Variants in ANKS1B observed in about 807,000 individuals in gnomAD.
ANKS1B encodes ankyrin repeat and sterile alpha motif domain containing 1B.
A neutral mutation model predicts 148.3 loss-of-function variants in ANKS1B; 36 were observed. That is an observed-to-expected ratio of 0.24 (90% CI 0.19 to 0.32). The LOEUF (loss-of-function observed/expected upper bound fraction) is 0.32, where lower values mean the gene tolerates loss of function less well. ANKS1B is among the 10% of genes least tolerant of loss of function. The pLI is 1.00. For missense variants in ANKS1B, 1,157 were observed against 1,542.6 expected (o/e 0.75, Z 4.19); for synonymous variants, 542 against 560.8 (o/e 0.97, Z 0.47).
chr12:99,261,871 A>C (rs1002339665), intron 12 of ANKS1B, among the ~76,000 whole-genome samples: 1 of 152,092 alleles, frequency 6.6e-6, no homozygotes, highest in Non-Finnish European at 1.5e-5. Context: ...GGATCCTTAC[A>C]ATAACCTGTG....
chr12:98,993,873 AT>A (rs1449473192), intron 17 of ANKS1B, among the ~76,000 whole-genome samples: 1 of 152,220 alleles, frequency 6.6e-6, no homozygotes, highest in Non-Finnish European at 1.5e-5. Flanking sequence ...ACAAAATGAT[AT>A]TTAATCTTCC....
chr12:99,882,779 C>T (rs2153739581), intron 1 of ANKS1B, among the ~76,000 whole-genome samples: 1 of 152,138 alleles, frequency 6.6e-6, no homozygotes, highest in East Asian at 1.9e-4. Context: ...CCACCTGTTC[C>T]CCCAAAACTA....
intron 1 of ANKS1B, among the ~76,000 whole-genome samples, chr12:99,951,394 T>C (rs1381199891): frequency 1.3e-5 from 2 of 152,202 alleles, no homozygotes; most frequent in African/African-American, 4.8e-5. Flanking sequence ...GTAGCTATAA[T>C]AAGGCTTCAT....
At chr12:98,835,567 C>T (rs1381507109) in intron 17 of ANKS1B, among the ~76,000 whole-genome samples, 3 of 152,180 alleles carry the variant, frequency 2.0e-5, no homozygotes, top group Non-Finnish European at 4.4e-5. Flanking sequence ...TGATTTCTAG[C>T]TATTAGTCTG....
At chr12:99,546,883 G>A (rs2097177008) in intron 9 of ANKS1B, among the ~76,000 whole-genome samples, 1 of 152,094 alleles carries the variant, frequency 6.6e-6, no homozygotes, top group African/African-American at 2.4e-5. Context: ...AGTGTAGCAG[G>A]TTGGGATAAA....
At chr12:99,104,576 G>A (rs938672738) in intron 15 of ANKS1B, 3 of 152,184 alleles carry the variant, frequency 2.0e-5, no homozygotes, top group African/African-American at 7.2e-5. Flanking sequence ...GCAAGACAAT[G>A]TGAATAGGCA....
intron 15 of ANKS1B, among the ~76,000 whole-genome samples, chr12:99,094,593 C>G (rs1380606825): frequency 1.3e-5 from 2 of 151,564 alleles, no homozygotes; most frequent in African/African-American, 4.9e-5. Context: ...TTAGAAGGAG[C>G]AGCCTAACTG....
intron 12 of ANKS1B, among the ~76,000 whole-genome samples, chr12:99,300,582 T>A (rs1485476332): frequency 6.6e-6 from 1 of 152,176 alleles, no homozygotes; most frequent in Non-Finnish European, 1.5e-5. Context: ...TATTTACAAA[T>A]CACTTTCCTA....
chr12:98,845,118 G>T (rs530363560), intron 17 of ANKS1B, among the ~76,000 whole-genome samples: 1 of 152,218 alleles, frequency 6.6e-6, no homozygotes, highest in South Asian at 2.1e-4. Context: ...GGGTCTAATG[G>T]GGAGGGAATG....
intron 9 of ANKS1B, among the ~76,000 whole-genome samples, chr12:99,518,487 A>G (rs549858804): frequency 9.9e-5 from 15 of 151,976 alleles, no homozygotes; most frequent in Non-Finnish European, 2.2e-4. Flanking sequence ...GGGTTTTCCA[A>G]TTTATCGGCC....
chr12:99,868,129 T>A (rs550737604), intron 1 of ANKS1B, among the ~76,000 whole-genome samples: 2 of 152,082 alleles, frequency 1.3e-5, no homozygotes, highest in Admixed American at 6.6e-5. Context: ...AAACTGGCAA[T>A]AAAATGAAAC....
intron 17 of ANKS1B, among the ~76,000 whole-genome samples, chr12:98,871,610 A>G (rs369912274): frequency 6.6e-6 from 1 of 152,238 alleles, no homozygotes; most frequent in Non-Finnish European, 1.5e-5. Flanking sequence ...AAATAAAAAG[A>G]CATTTCAAAG....
intron 12 of ANKS1B, among the ~76,000 whole-genome samples, chr12:99,392,660 C>A (rs75954626): frequency 2.1e-3 from 315 of 152,284 alleles, no homozygotes; most frequent in African/African-American, 7.1e-3. Flanking sequence ...ATAGAGAACA[C>A]CTGTTATCAC....
chr12:98,818,449 G>A (rs1227136760), intron 19 of ANKS1B, among the ~76,000 whole-genome samples: 5 of 152,142 alleles, frequency 3.3e-5, no homozygotes, highest in Admixed American at 1.3e-4. Flanking sequence ...GGAAAAAAAT[G>A]AGCATTGCCT....
intron 14 of ANKS1B, among the ~76,000 whole-genome samples, chr12:99,210,973 ATAACACTAATCACGGTTTTTGCCAT>A (rs1198249027): frequency 6.6e-6 from 1 of 152,226 alleles, no homozygotes; most frequent in Non-Finnish European, 1.5e-5. Flanking sequence ...CAGTCGGTGT[ATAACACTAATCACGGTTTTTGCCAT>A]TAAAAGCAAT....
intron 17 of ANKS1B, among the ~76,000 whole-genome samples, chr12:98,841,760 A>G (rs532802315): frequency 9.9e-4 from 150 of 152,258 alleles, no homozygotes; most frequent in Admixed American, 1.8e-3. Context: ...GGAAAAAAAA[A>G]GGGGTAACAA....
At chr12:99,429,280 C>T (rs2095322268) in intron 11 of ANKS1B, among the ~76,000 whole-genome samples, 1 of 152,136 alleles carries the variant, frequency 6.6e-6, no homozygotes, top group Non-Finnish European at 1.5e-5. Flanking sequence ...AAATCATGCA[C>T]CAGCTGATAG....
intron 14 of ANKS1B, among the ~76,000 whole-genome samples, chr12:99,228,912 A>G (rs2086390324): frequency 6.6e-6 from 1 of 151,946 alleles, no homozygotes; most frequent in Non-Finnish European, 1.5e-5. Flanking sequence ...CTATGAATGT[A>G]TATATATGTA....
At chr12:99,278,193 A>G (rs2077929973) in intron 12 of ANKS1B, among the ~76,000 whole-genome samples, 1 of 152,194 alleles carries the variant, frequency 6.6e-6, no homozygotes, top group Non-Finnish European at 1.5e-5. Context: ...GAGCTGGCCA[A>G]GAGAATGCAG....
Sources: gnomAD v4.1 joint callset for allele counts (sites outside exome capture counted in the v4.1 genomes callset) on GRCh38, gnomAD v4.1.1 for gene constraint, MANE v1.5 for transcripts, NCBI Gene and HGNC (gene_info 2026-07-23, HGNC 2026-07-21) for gene names.